Variants in SCLT1 observed in about 807,000 individuals in gnomAD.
SCLT1 encodes the protein sodium channel and clathrin linker 1.
A neutral mutation model predicts 112.8 loss-of-function variants in SCLT1; 78 were observed. That is an observed-to-expected ratio of 0.69 (90% CI 0.58 to 0.83). The LOEUF is 0.83. Among genes scored for constraint, SCLT1 ranks in the 40% least tolerant of loss-of-function variants. The pLI is 0.00. For missense variants in SCLT1, 747 were observed against 770.4 expected (o/e 0.97, Z 0.36); for synonymous variants, 257 against 254.7 (o/e 1.01, Z -0.09).
At chr4:129,055,826 A>AAC (rs1553999320) in intron 2 of SCLT1, among the ~76,000 whole-genome samples, 4 of 149,110 alleles carry the variant, frequency 2.7e-5, no homozygotes, top group African/African-American at 9.7e-5. Flanking sequence ...CATAAAAAAA[A>AAC]AAAAACAAAA....
chr4:129,061,670 G>A (rs1749990613), intron 2 of SCLT1, among the ~76,000 whole-genome samples: 1 of 152,082 alleles, frequency 6.6e-6, no homozygotes, highest in Non-Finnish European at 1.5e-5. Context: ...GGGCGTGGAT[G>A]GGGTGAGGGG....
At chr4:128,882,276 T>C (rs1366454863), downstream of SCLT1, among the ~76,000 whole-genome samples, 1 of 152,160 alleles carries the variant, frequency 6.6e-6, no homozygotes, top group Non-Finnish European at 1.5e-5. Flanking sequence ...GTGAATGACC[T>C]GGGAAGGAAT....
chr4:128,916,842 C>T (rs2125954865), intron 18 of SCLT1, among the ~76,000 whole-genome samples: 1 of 152,256 alleles, frequency 6.6e-6, no homozygotes, highest in Non-Finnish European at 1.5e-5. Flanking sequence ...CTTGTCAAGA[C>T]TTAAATGTCT....
At chr4:129,042,649 A>T (rs1414327912) in intron 4 of SCLT1, among the ~76,000 whole-genome samples, 1 of 152,146 alleles carries the variant, frequency 6.6e-6, no homozygotes, top group Non-Finnish European at 1.5e-5. Context: ...ACTGAAGAGA[A>T]TATTTTTTTT....
chr4:129,087,267 A>C (rs925073103), intron 1 of SCLT1, among the ~76,000 whole-genome samples: 2 of 152,212 alleles, frequency 1.3e-5, no homozygotes, highest in Non-Finnish European at 2.9e-5. Flanking sequence ...ATAGCTCTTT[A>C]TTTATTAAAG....
chr4:128,974,782 G>A (rs574516581), intron 9 of SCLT1, among the ~76,000 whole-genome samples: 1 of 151,972 alleles, frequency 6.6e-6, no homozygotes, highest in South Asian at 2.1e-4. Flanking sequence ...TTAGATATAT[G>A]TCTGCCTGTG....
intron 18 of SCLT1, among the ~76,000 whole-genome samples, chr4:128,931,783 C>T (rs1015424704): frequency 1.3e-5 from 2 of 152,150 alleles, no homozygotes; most frequent in African/African-American, 4.8e-5. Context: ...AATCAGAAAT[C>T]ATTAAAGATT....
At chr4:128,949,442 A>G (rs959158151) in intron 14 of SCLT1, among the ~76,000 whole-genome samples, 1 of 151,856 alleles carries the variant, frequency 6.6e-6, no homozygotes, top group Non-Finnish European at 1.5e-5. Context: ...GGTTTGTTAC[A>G]TATGTATACG....
intron 18 of SCLT1, among the ~76,000 whole-genome samples, chr4:128,896,261 A>G (rs318516): frequency 0.73 from 110,526 of 152,104 alleles, 40,479 homozygotes; most frequent in African/African-American, 0.82. Flanking sequence ...CCTGACCCCC[A>G]AGTAGCCTAA....
chr4:129,059,974 C>T (rs1249022899), intron 2 of SCLT1, among the ~76,000 whole-genome samples: 1 of 152,044 alleles, frequency 6.6e-6, no homozygotes, highest in Non-Finnish European at 1.5e-5. Flanking sequence ...TCTGGAAAGC[C>T]CATAATATGA....
intron 2 of SCLT1, among the ~76,000 whole-genome samples, chr4:129,073,073 T>C (rs1751165203): frequency 6.6e-6 from 1 of 152,174 alleles, no homozygotes; most frequent in Non-Finnish European, 1.5e-5. Flanking sequence ...GCTATCTCTC[T>C]TCTGGATCTA....
At chr4:129,059,289 T>C (rs1749736386) in intron 2 of SCLT1, among the ~76,000 whole-genome samples, 1 of 152,206 alleles carries the variant, frequency 6.6e-6, no homozygotes, top group Non-Finnish European at 1.5e-5. Flanking sequence ...ATGGTTATTA[T>C]TGCCAGTTAA....
At chr4:128,954,058 T>C (rs1229466980) in intron 13 of SCLT1, among the ~76,000 whole-genome samples, 1 of 152,050 alleles carries the variant, frequency 6.6e-6, no homozygotes, top group Non-Finnish European at 1.5e-5. Context: ...GATTTCGCTA[T>C]GACAATAAAT....
intron 16 of SCLT1, chr4:128,945,026 G>C (rs562428316): frequency 1.3e-5 from 2 of 152,192 alleles, no homozygotes; most frequent in South Asian, 4.2e-4. Flanking sequence ...CCCAGTCCTC[G>C]CACCTTATTC....
At chr4:129,024,577 G>A (rs1183619147) in intron 5 of SCLT1, among the ~76,000 whole-genome samples, 2 of 152,090 alleles carry the variant, frequency 1.3e-5, no homozygotes, top group African/African-American at 2.4e-5. Context: ...ACCAAAAGTA[G>A]ATAAAACCAC....
At chr4:129,051,368 T>A (rs1327349597) in intron 2 of SCLT1, among the ~76,000 whole-genome samples, 1 of 152,214 alleles carries the variant, frequency 6.6e-6, no homozygotes, top group East Asian at 1.9e-4. Context: ...GCATGGAATG[T>A]TTTTCCATTG....
At chr4:128,979,131 ACTG>A (rs1312028148) in intron 9 of SCLT1, among the ~76,000 whole-genome samples, 1 of 152,174 alleles carries the variant, frequency 6.6e-6, no homozygotes, top group Admixed American at 6.5e-5. Context: ...ATATTGCAAC[ACTG>A]CAAGGAAGGT....
chr4:129,043,353 A>G (rs1452585515), intron 4 of SCLT1, 42 bp downstream of exon 4: 3 of 1,010,298 alleles, frequency 3.0e-6, no homozygotes, highest in Non-Finnish European at 3.0e-6. Flanking sequence ...TTTTATTTTC[A>G]TAATAAAATA....
At chr4:129,018,840 G>A (rs1025994727) in intron 5 of SCLT1, among the ~76,000 whole-genome samples, 9 of 152,096 alleles carry the variant, frequency 5.9e-5, no homozygotes, top group African/African-American at 2.2e-4. Flanking sequence ...TCTATTATAT[G>A]TTATGCCAGG....
Sources: gnomAD v4.1 joint callset for allele counts (sites outside exome capture counted in the v4.1 genomes callset) on GRCh38, gnomAD v4.1.1 for gene constraint, MANE v1.5 for transcripts, NCBI Gene and HGNC (gene_info 2026-07-23, HGNC 2026-07-21) for gene names.